The following BLVRB variants were observed in gnomAD, a reference collection of about 807,000 sequenced individuals.
BLVRB encodes flavin reductase (NADPH).
Under a neutral mutation model 21.1 loss-of-function variants are expected in BLVRB, and 25 were observed. The ratio of observed to expected loss-of-function variants is 1.19; its 90% CI spans 0.86 to 1.66. The LOEUF is 1.66. Ranked by LOEUF, BLVRB falls within the 40% of genes most tolerant of loss-of-function variation. The pLI is 0.00. For missense variants in BLVRB, 274 were observed against 282.7 expected (o/e 0.97, Z 0.22); for synonymous variants, 128 against 122.2 (o/e 1.05, Z -0.31).
At chr19:40,449,492 C>T (rs1287036966) in intron 4 of BLVRB, among the ~76,000 whole-genome samples, 3 of 151,952 alleles carry the variant, frequency 2.0e-5, no homozygotes, top group Non-Finnish European at 2.9e-5. Context: ...GAGATCCACC[C>T]GCCTCAGCCT....
intron 1 of BLVRB, among the ~76,000 whole-genome samples, chr19:40,462,468 T>C (rs1315029632): frequency 3.3e-5 from 5 of 151,230 alleles, no homozygotes; most frequent in South Asian, 2.1e-4. Flanking sequence ...TTAGTAGAGA[T>C]GGGGTTTCAC....
intron 3 of BLVRB, among the ~76,000 whole-genome samples, chr19:40,454,524 A>T (rs2079754016): frequency 6.6e-6 from 1 of 150,746 alleles, no homozygotes; most frequent in South Asian, 2.1e-4. Flanking sequence ...TCTCAAATCC[A>T]GTCTCTAACT....
rs62106984 is a variant in BLVRB, at chr19:40,454,695, G to A, written c.335-3203C>T. On this transcript the variant is annotated intron_variant, in intron 3 of 4. Coordinates refer to ENST00000263368, the MANE Select transcript of BLVRB (RefSeq NM_000713.3). Reference sequence around the variant, plus strand: ...CGAGTAGCTGGGACTATAGGCACCCGCCGCCACGCCTGGCTAATTTTTTGT... The same window carrying A: ...CGAGTAGCTGGGACTATAGGCACCCACCGCCACGCCTGGCTAATTTTTTGT... Among the ~76,000 whole-genome samples, 698 of 152,058 alleles carry A rather than the reference G, an allele frequency of 4.6e-3. 2 individuals are homozygous for A. Among genetic ancestry groups the A allele is most frequent in the Non-Finnish European group, 5.8e-3 (392 of 67,988 alleles).
rs1159966087 is a variant in BLVRB at position 40,457,819 on chromosome 19, C to T, written c.334+336G>A. ...TACCCTGACCTCTCTCAGCCTAAGT[C>T]GGACGCCTCCTCTGGGCTCCCATAG... On this transcript the variant is annotated intron_variant, in intron 3 of 4. Coordinates refer to ENST00000263368, the MANE Select transcript of BLVRB (RefSeq NM_000713.3). 7 of 331,122 alleles carry T rather than the reference C, an allele frequency of 2.1e-5. No homozygotes were observed. In the South Asian group the frequency reaches 2.3e-4, roughly 11 times the overall value. 20.5% of individuals were successfully genotyped at this position (331,122 alleles called of 1,614,324 possible). A position where few individuals can be genotyped will look rare whatever the true frequency, so the allele number is the denominator to read the frequency against.
intron 3 of BLVRB, among the ~76,000 whole-genome samples, chr19:40,452,183 T>C (rs1240808611): frequency 6.6e-6 from 1 of 152,142 alleles, no homozygotes; most frequent in Non-Finnish European, 1.5e-5. Flanking sequence ...CCACCTGATA[T>C]GGCCCCATCA....
rs1315908704 is a variant in BLVRB at position 40,451,347 on chromosome 19, G to C, written c.463+17C>G. 1.9e-6 allele frequency: 3 copies of C among 1,592,512 alleles called. No homozygotes were observed. Among genetic ancestry groups the C allele is most frequent in the African/African-American group, 2.7e-5 (2 of 74,796 alleles). ...AGGCAGATGGCATTGGTGCCACCAG[G>C]TCCCTGCCCTGCTTACCTATGTGTG... On this transcript the variant is annotated intron_variant, in intron 4 of 4. Transcript: ENST00000263368.
chr19:40,464,760 C>G (rs1449238081), intron 1 of BLVRB, among the ~76,000 whole-genome samples: 1 of 152,144 alleles, frequency 6.6e-6, no homozygotes, highest in Non-Finnish European at 1.5e-5. Flanking sequence ...CCAAGGGAGA[C>G]AGCAGAGTGG....
intron 3 of BLVRB, among the ~76,000 whole-genome samples, chr19:40,457,150 G>A (rs1454435356): frequency 6.8e-6 from 1 of 148,064 alleles, no homozygotes; most frequent in Non-Finnish European, 1.5e-5. Flanking sequence ...TCCAGCCTGG[G>A]TGACAGAAAG....
At position 40,458,434 on chromosome 19, in the gene BLVRB, G is replaced by T. The variant is rs1474712610; in HGVS notation, c.191C>A (p.Thr64Asn). The part of the protein sequence containing the change: ...DVLQAADVDK[T>N]VAGQDAVIVL... ...GATGACAGCGTCCTGCCCAGCCACGGTCTTGTCCACATCGGCTGCCTGCAG... is the reference window on the plus strand; with the variant it reads ...GATGACAGCGTCCTGCCCAGCCACGTTCTTGTCCACATCGGCTGCCTGCAG... The change falls in exon 2 of 5, where the codon ACC becomes AAC. Residue 64 changes from threonine to asparagine, a missense_variant. Physicochemically the swap from Thr to Asn is moderately conservative, Grantham distance 65 (BLOSUM62 0). Coordinates refer to ENST00000263368, the MANE Select transcript of BLVRB (RefSeq NM_000713.3). 25 of 1,596,528 alleles carry T rather than the reference G, an allele frequency of 1.6e-5. No individual in the cohort carries two copies. In the East Asian group the frequency reaches 5.4e-4, roughly 35 times the overall value.
chr19:40,453,632 A>G (rs2079750074), intron 3 of BLVRB, among the ~76,000 whole-genome samples: 1 of 152,202 alleles, frequency 6.6e-6, no homozygotes, highest in Admixed American at 6.5e-5. Flanking sequence ...GGTTTTGCCT[A>G]AAGTCAAGTA....
intron 4 of BLVRB, among the ~76,000 whole-genome samples, chr19:40,448,462 G>A (rs1272390598): frequency 6.6e-6 from 1 of 151,726 alleles, no homozygotes; most frequent in African/African-American, 2.4e-5. Flanking sequence ...GCAGTGGCAT[G>A]CCCCTGTAGT....
At chr19:40,462,340 G>A (rs1422825855) in intron 1 of BLVRB, among the ~76,000 whole-genome samples, 9 of 150,008 alleles carry the variant, frequency 6.0e-5, no homozygotes, top group Admixed American at 1.3e-4. Context: ...GTGCAGTGGC[G>A]CAATCTCAGC....
At chr19:40,463,260 T>C (rs559161924) in intron 1 of BLVRB, among the ~76,000 whole-genome samples, 3 of 152,332 alleles carry the variant, frequency 2.0e-5, no homozygotes, top group South Asian at 4.1e-4. Context: ...GTAAGTCTGA[T>C]CCAGAGACTG....
chr19:40,448,941 G>A (rs754927104), intron 4 of BLVRB, among the ~76,000 whole-genome samples: 1 of 151,980 alleles, frequency 6.6e-6, no homozygotes, highest in Admixed American at 6.6e-5. Flanking sequence ...GCAAAAATTC[G>A]CTGAGTGTGG....
chr19:40,453,548 T>C (rs1171454520), intron 3 of BLVRB, among the ~76,000 whole-genome samples: 6 of 152,222 alleles, frequency 3.9e-5, no homozygotes, highest in Non-Finnish European at 7.3e-5. Context: ...CTGACATTTA[T>C]AGAACTTTTA....
chr19:40,449,282 GTCA>G (rs2079728513), intron 4 of BLVRB, among the ~76,000 whole-genome samples: 1 of 151,424 alleles, frequency 6.6e-6, no homozygotes, highest in African/African-American at 2.4e-5. Context: ...GTCTTGCTCT[GTCA>G]CCCAGGCTGG....
Position 40,447,980 on chromosome 19 carries a change from G to T in BLVRB, c.530C>A (p.Ser177Tyr). 2 of 1,614,128 alleles carry T rather than the reference G, an allele frequency of 1.2e-6. No homozygotes were observed. The highest frequency in any genetic ancestry group is 1.7e-6 in the Non-Finnish European group (2 of 1,180,002). ...LDGRGPSRVI[S>Y]KHDLGHFMLR... ...CATGAAATGGCCCAGGTCATGTTTGGAGATGACCCTTGAGGGCCCTCGTCC... is the reference window on the plus strand; with the variant it reads ...CATGAAATGGCCCAGGTCATGTTTGTAGATGACCCTTGAGGGCCCTCGTCC... Residue 177 changes from serine to tyrosine, a missense_variant, in exon 5 of 5, where the codon TCC (serine) becomes TAC (tyrosine). Ser to Tyr is a moderately radical substitution (Grantham distance 144, BLOSUM62 -2). Coordinates refer to ENST00000263368, the MANE Select transcript of BLVRB (RefSeq NM_000713.3).
chr19:40,460,658 C>G (rs2145782592), intron 1 of BLVRB, among the ~76,000 whole-genome samples: 1 of 151,364 alleles, frequency 6.6e-6, no homozygotes, highest in South Asian at 2.1e-4. Flanking sequence ...AAAGTTTAGG[C>G]TACTACCTGG....
At chr19:40,461,100 C>T (rs1262646581) in intron 1 of BLVRB, among the ~76,000 whole-genome samples, 2 of 152,148 alleles carry the variant, frequency 1.3e-5, no homozygotes, top group Admixed American at 6.5e-5. Context: ...CCAGGCTGGT[C>T]TCGAACTCCT....
Sources: gnomAD v4.1 joint callset for allele counts (sites outside exome capture counted in the v4.1 genomes callset) on GRCh38, gnomAD v4.1.1 for gene constraint, MANE v1.5 for transcripts, NCBI Gene and HGNC (gene_info 2026-07-23, HGNC 2026-07-21) for gene names.